The following TJP3 variants were observed in gnomAD, a reference collection of about 807,000 sequenced individuals.
TJP3 encodes the protein tight junction protein 3.
TJP3 carries 85 observed loss-of-function variants against 104.2 expected under a neutral mutation model. That is an observed-to-expected ratio of 0.82 (90% CI 0.68 to 0.98). The LOEUF is 0.98. Ranked by LOEUF, TJP3 falls within the 50% of genes least tolerant of loss-of-function variation. TJP3 has a pLI of 0.00. For synonymous variants in TJP3, 550 were observed against 550.6 expected (o/e 1.00, Z 0.02); for missense variants, 1,367 against 1,322.8 (o/e 1.03, Z -0.52).
chr19:3,734,329 A>G lies in TJP3; in HGVS notation c.880A>G (p.Ile294Val), dbSNP rs1169846655. The change falls in exon 8 of 21, where the codon ATC (isoleucine) becomes GTC (valine). Residue 294 changes from isoleucine (I) to valine (V), a missense_variant and splice_region_variant. Transcript: ENST00000541714. ...SDSDSSPLEDISDLASELSQA... is the reference protein window; with the variant it reads ...SDSDSSPLEDVSDLASELSQA... The stretch of plus-strand genomic sequence containing the variant: ...TGAGATGTCCTCTCCCCCTGCAGAC[A>G]TCTCGGACCTCGCCTCGGAGCTATC... 2 of 1,613,782 alleles carry G rather than the reference A, an allele frequency of 1.2e-6. No individual in the cohort carries two copies. The highest frequency in any genetic ancestry group is 1.3e-5 in the African/African-American group (1 of 75,020).
chr19:3,748,773 G>T (rs1277438743), intron 19 of TJP3, among the ~76,000 whole-genome samples: 1 of 147,332 alleles, frequency 6.8e-6, no homozygotes, highest in Non-Finnish European at 1.5e-5. Flanking sequence ...TCTCCATGTT[G>T]GTCAGGCTGG....
rs946268706 is a variant in TJP3 at position 3,716,387 on chromosome 19, A to G, written c.-10+7826A>G. Among the ~76,000 whole-genome samples the G allele has an allele frequency of 3.4e-5, 5 of 148,406 alleles. 2 individuals carry two copies. The Admixed American group carries it at 3.4e-4, about 10-fold the overall frequency. ...CGCGCTCGGCCTGGTATTGAACACC[A>G]AAATGTCTCAAGACGTTGCCAAGGG... On this transcript the variant is annotated intron_variant, in intron 1 of 20. Transcript: ENST00000541714.
intron 19 of TJP3, among the ~76,000 whole-genome samples, chr19:3,749,415 T>C (rs2036959736): frequency 6.6e-6 from 1 of 152,092 alleles, no homozygotes; most frequent in African/African-American, 2.4e-5. Context: ...TCATAGTTCG[T>C]TGCGGCCTCC....
At chr19:3,747,734 C>A in intron 18 of TJP3, 60 bp from the exon 19 acceptor site, 2 of 1,463,502 alleles carry the variant, frequency 1.4e-6, no homozygotes, top group South Asian at 1.4e-5. Flanking sequence ...GGGGGGATGT[C>A]GTGGGTGGCA....
rs555970599 is a variant in TJP3, at chr19:3,740,664, C to T, written c.1744C>T (p.Arg582Ter). 1.0e-5 allele frequency: 16 copies of T among 1,607,778 alleles called. No homozygotes were observed. In the South Asian group the frequency reaches 1.5e-4, roughly 16 times the overall value. Residue 582 changes from arginine (R) to a stop codon, truncating the protein, a stop_gained, in exon 14 of 21, where the codon CGA (arginine) becomes TGA (stop). Transcript: ENST00000541714. LOFTEE classifies it high-confidence loss of function. ...AEFWRLRGLR[R>*]GAKKTTQRSR... Reference sequence around the variant, plus strand: ...GTTCTGGCGGCTGCGGGGTCTTCGTCGAGGAGCCAAGAAGACCACTCAGCG... The same window carrying T: ...GTTCTGGCGGCTGCGGGGTCTTCGTTGAGGAGCCAAGAAGACCACTCAGCG...
At position 3,716,497 on chromosome 19, in the gene TJP3, C is replaced by A. The variant is rs892085742; in HGVS notation, c.-10+7936C>A. On this transcript the variant is annotated intron_variant, in intron 1 of 20. Transcript: ENST00000541714. ...AGCCAAATCCCTCAGGCCAGCTCAC[C>A]ATCTGGCCTCAGTTTTCTCAGCTGC... is the stretch of plus-strand genomic sequence containing the variant. Among the ~76,000 whole-genome samples, 2 of 148,294 alleles carry A rather than the reference C, an allele frequency of 1.3e-5. 1 individual carries two copies. Among genetic ancestry groups the A allele is most frequent in the Non-Finnish European group, 3.0e-5 (2 of 66,086 alleles).
intron 1 of TJP3, among the ~76,000 whole-genome samples, chr19:3,719,629 G>A (rs547917184): frequency 9.9e-5 from 15 of 151,010 alleles, no homozygotes; most frequent in South Asian, 4.2e-4. Flanking sequence ...CCAGCTACTC[G>A]GGAGGCTGAG....
At chr19:3,719,042 C>T (rs71339202) in intron 1 of TJP3, among the ~76,000 whole-genome samples, 3 of 150,594 alleles carry the variant, frequency 2.0e-5, no homozygotes, top group Non-Finnish European at 3.0e-5. Flanking sequence ...AAATTAGCCA[C>T]GCGTGGTGGC....
chr19:3,737,243 A>G (rs487980), intron 11 of TJP3, among the ~76,000 whole-genome samples: 40,663 of 151,908 alleles, frequency 0.27, 6,119 homozygotes, highest in East Asian at 0.36. Context: ...CTTGTTATCA[A>G]TGTCACAATC....
intron 1 of TJP3, among the ~76,000 whole-genome samples, chr19:3,713,517 C>A (rs2036451022): frequency 6.6e-6 from 1 of 152,132 alleles, no homozygotes; most frequent in Non-Finnish European, 1.5e-5. Context: ...CTGGATGGGG[C>A]CCTGGGGCGG....
At chr19:3,749,399 G>C (rs1005920348) in intron 19 of TJP3, among the ~76,000 whole-genome samples, 1 of 152,126 alleles carries the variant, frequency 6.6e-6, no homozygotes, top group Non-Finnish European at 1.5e-5. Flanking sequence ...GAGTGCAGTA[G>C]TACAATCATA....
chr19:3,714,727 T>C (rs1212694087), intron 1 of TJP3, among the ~76,000 whole-genome samples: 1 of 152,004 alleles, frequency 6.6e-6, no homozygotes, highest in African/African-American at 2.4e-5. Context: ...CCTGATCCAC[T>C]GGGGGACCTC....
chr19:3,736,181 C>T lies in TJP3; in HGVS notation c.1144C>T (p.Arg382Cys), dbSNP rs759385307. 1.9e-6 allele frequency: 3 copies of T among 1,596,446 alleles called. No individual in the cohort carries two copies. The highest frequency in any genetic ancestry group is 2.2e-5 in the East Asian group (1 of 44,618). Residue 382 changes from arginine to cysteine, a missense_variant, in exon 11 of 21, where the codon CGT becomes TGT. Physicochemically the swap from Arg to Cys is radical, Grantham distance 180 (BLOSUM62 -3). Transcript: ENST00000541714. The stretch of plus-strand genomic sequence containing the variant: ...CCCTTGCAGGTACAGCCCCGACACG[C>T]GTGTGGTCCGCTTCCTCAAGGGCAA... ...MEDRGYSPDT[R>C]VVRFLKGKSI...
intron 1 of TJP3, among the ~76,000 whole-genome samples, chr19:3,727,748 T>G (rs577684094): frequency 3.4e-4 from 51 of 152,034 alleles, no homozygotes; most frequent in African/African-American, 1.2e-3. Context: ...AATAGAAAAA[T>G]TAGCCTGGCG....
At chr19:3,710,244 G>A (rs1301074371) in intron 1 of TJP3, among the ~76,000 whole-genome samples, 2 of 151,308 alleles carry the variant, frequency 1.3e-5, no homozygotes, top group East Asian at 2.0e-4. Context: ...ACAGATTCTC[G>A]GTCATTCTGG....
At chr19:3,731,164 C>T (rs551880531) in intron 5 of TJP3, among the ~76,000 whole-genome samples, 223 of 152,326 alleles carry the variant, frequency 1.5e-3, no homozygotes, top group Non-Finnish European at 2.4e-3. Flanking sequence ...ACCTGTCAGC[C>T]ACTTGGGGCC....
chr19:3,717,327 T>C (rs1470924262), intron 1 of TJP3, among the ~76,000 whole-genome samples: 3 of 147,254 alleles, frequency 2.0e-5, no homozygotes, highest in African/African-American at 7.3e-5. Flanking sequence ...GGTCTCAAAC[T>C]CCTGACCTCA....
Position 3,728,448 on chromosome 19 carries a change from A to G in TJP3, c.16A>G (p.Ile6Val). MEELT[I>V]WEQHTATLSK... is the part of the protein sequence containing the mutation. The stretch of plus-strand genomic sequence containing the variant: ...GGTGGCTGACATGGAGGAGCTGACC[A>G]TCTGGGAACAGCACACGGCCACACT... The change falls in exon 2 of 21, where the codon ATC (isoleucine) becomes GTC (valine). Residue 6 changes from isoleucine to valine, a missense_variant. Transcript: ENST00000541714. 6.2e-7 allele frequency: 1 copy of G among 1,613,954 alleles called. No individual in the cohort carries two copies. The highest frequency in any genetic ancestry group is 8.5e-7 in the Non-Finnish European group (1 of 1,179,946).
At position 3,748,188 on chromosome 19, in the gene TJP3, C is replaced by A. The variant is rs544330964; in HGVS notation, c.2610+107C>A. 12 of 1,379,514 alleles carry A rather than the reference C, an allele frequency of 8.7e-6. No individual in the cohort carries two copies. The African/African-American group carries it at 1.6e-4, about 18-fold the overall frequency. The allele number at this position is 1,379,514 out of a possible 1,614,324, so 85.5% of individuals were successfully genotyped here. A position where few individuals can be genotyped will look rare whatever the true frequency, so the allele number is the denominator to read the frequency against. On this transcript the variant is annotated intron_variant, in intron 19 of 20. Coordinates refer to ENST00000541714, the MANE Select transcript of TJP3 (RefSeq NM_001267560.2). ...TTTTCTACCAGGACGTCAACAAACA[C>A]GGCTTCCCTGGTCAGACTGGTTTCT...
Sources: allele counts gnomAD v4.1 joint callset (sites outside exome capture counted in the v4.1 genomes callset), GRCh38; gene constraint gnomAD v4.1.1; transcripts MANE v1.5; gene names NCBI Gene and HGNC (gene_info 2026-07-23, HGNC 2026-07-21).